The following SNTB2 variants were observed in gnomAD, a reference collection of about 807,000 sequenced individuals.
The protein encoded by SNTB2 is syntrophin beta 2.
In SNTB2, 34 loss-of-function variants were observed where a neutral mutation model predicts 46.2. The observed-to-expected ratio is 0.74, with a 90% CI of 0.56 to 0.98. The LOEUF is 0.98. Among genes scored for constraint, SNTB2 ranks in the 50% least tolerant of loss-of-function variants. The pLI is 0.00. For synonymous variants in SNTB2, 290 were observed against 312.6 expected, an observed-to-expected ratio of 0.93 and a Z score of 0.76; for missense variants, 603 against 731.4, an observed-to-expected ratio of 0.82 and a Z score of 2.02.
intron 1 of SNTB2, among the ~76,000 whole-genome samples, chr16:69,209,423 G>A (rs1208729586): frequency 5.3e-5 from 8 of 152,082 alleles, no homozygotes; most frequent in Admixed American, 2.0e-4. Flanking sequence ...GTTTAATTCT[G>A]TCTAGAAGTG....
At chr16:69,225,401 A>G (rs1189499284) in intron 1 of SNTB2, among the ~76,000 whole-genome samples, 3 of 152,264 alleles carry the variant, frequency 2.0e-5, no homozygotes, top group Non-Finnish European at 2.9e-5. Context: ...AATACGGATA[A>G]CGATTTCCTT....
At chr16:69,275,397 A>G (rs943757590) in intron 4 of SNTB2, among the ~76,000 whole-genome samples, 1 of 152,230 alleles carries the variant, frequency 6.6e-6, no homozygotes, top group African/African-American at 2.4e-5. Context: ...TAATTAATGT[A>G]ACAACAGGGA....
chr16:69,246,608 G>A (rs1361604670), intron 2 of SNTB2, among the ~76,000 whole-genome samples: 32 of 145,482 alleles, frequency 2.2e-4, no homozygotes, highest in Middle Eastern at 3.4e-3. Flanking sequence ...CTCTTTTTCT[G>A]TTGATTGGAA....
chr16:69,223,369 A>G (rs939106786), intron 1 of SNTB2, among the ~76,000 whole-genome samples: 1 of 150,554 alleles, frequency 6.6e-6, no homozygotes, highest in African/African-American at 2.4e-5. Context: ...TAATTTTTGT[A>G]TTTTTAGTGG....
chr16:69,265,837 A>G (rs1168037661), intron 3 of SNTB2, among the ~76,000 whole-genome samples: 1 of 151,750 alleles, frequency 6.6e-6, no homozygotes, highest in Non-Finnish European at 1.5e-5. Flanking sequence ...AAAGAAAAAA[A>G]AAAAAAAAAA....
At position 69,219,707 on chromosome 16, in the gene SNTB2, GATTTTATTTT is replaced by G. The variant is rs796669783; in HGVS notation, c.581-25889_581-25880del. Reference sequence around the variant, plus strand: ...TTGTACGCAATAGTCATAGAAACCAGATTTTATTTTATTTTGTTTTGTTTTGTTTTGTTTT... The same window carrying G: ...TTGTACGCAATAGTCATAGAAACCAGATTTTGTTTTGTTTTGTTTTGTTTT... On this transcript the variant is annotated intron_variant, in intron 1 of 6. Coordinates refer to ENST00000336278, the MANE Select transcript of SNTB2 (RefSeq NM_006750.4). Among the ~76,000 whole-genome samples the G allele has an allele frequency of 3.4e-3, 510 of 147,952 alleles. 1 individual carries two copies. The highest frequency in any genetic ancestry group is 0.013 in the African/African-American group (504 of 40,278).
intron 4 of SNTB2, among the ~76,000 whole-genome samples, chr16:69,279,515 CTTT>C (rs57637291): frequency 2.8e-4 from 20 of 71,730 alleles, no homozygotes; most frequent in East Asian, 6.9e-4. Flanking sequence ...GTCCTTTGCC[CTTT>C]TTTTTTTTTT....
chr16:69,297,033 C>T (rs1488294247), intron 5 of SNTB2, among the ~76,000 whole-genome samples: 1 of 150,820 alleles, frequency 6.6e-6, no homozygotes, highest in Non-Finnish European at 1.5e-5. Flanking sequence ...GGCCAGGTGC[C>T]GTGCCTCACA....
intron 1 of SNTB2, among the ~76,000 whole-genome samples, chr16:69,202,817 C>G (rs1286591211): frequency 6.6e-6 from 1 of 152,020 alleles, no homozygotes; most frequent in Non-Finnish European, 1.5e-5. Flanking sequence ...CTCAAGTGAT[C>G]TGCCCGCCTC....
At chr16:69,264,462 C>G (rs1435585401) in intron 3 of SNTB2, among the ~76,000 whole-genome samples, 1 of 152,120 alleles carries the variant, frequency 6.6e-6, no homozygotes, top group African/African-American at 2.4e-5. Context: ...AAAGAGGTTG[C>G]ATTTATTTTA....
chr16:69,249,654 AAGAATTGT>A (rs1377128116), intron 2 of SNTB2, among the ~76,000 whole-genome samples: 1 of 152,198 alleles, frequency 6.6e-6, no homozygotes, highest in Non-Finnish European at 1.5e-5. Context: ...TTGGGGCTAC[AAGAATTGT>A]ACCATTATAC....
intron 1 of SNTB2, among the ~76,000 whole-genome samples, chr16:69,226,015 G>T (rs1160238775): frequency 6.6e-6 from 1 of 151,798 alleles, no homozygotes; most frequent in Admixed American, 6.6e-5. Flanking sequence ...TGATCTGCCC[G>T]CCTCGGCCTC....
At chr16:69,273,911 C>G (rs1050448318) in intron 4 of SNTB2, among the ~76,000 whole-genome samples, 1 of 152,144 alleles carries the variant, frequency 6.6e-6, no homozygotes, top group African/African-American at 2.4e-5. Context: ...TACTAATAAA[C>G]TGCCTAGAAT....
At chr16:69,195,013 C>G (rs1964089941) in intron 1 of SNTB2, among the ~76,000 whole-genome samples, 1 of 152,136 alleles carries the variant, frequency 6.6e-6, no homozygotes, top group African/African-American at 2.4e-5. Flanking sequence ...TTAAAAAATG[C>G]TTGACATGTC....
chr16:69,187,640 G>A lies in SNTB2; in HGVS notation c.474G>A (p.Arg158=). 1 of 1,550,422 alleles carries A rather than the reference G, an allele frequency of 6.4e-7. No homozygotes were observed. Among genetic ancestry groups the A allele is most frequent in the Non-Finnish European group, 8.7e-7 (1 of 1,153,280 alleles). ...GLAADQSRAL[R]LGDAILSVNG... is the part of the protein sequence containing the mutation. ...CTGCCGACCAGAGCCGGGCGCTGCG[G>A]CTGGGCGACGCCATCCTGTCGGTGA... The change falls in exon 1 of 7, where the codon CGG becomes CGA. Residue 158 remains arginine, a synonymous_variant. Transcript: ENST00000336278.
chr16:69,200,210 T>A (rs147609406), intron 1 of SNTB2, among the ~76,000 whole-genome samples: 1,578 of 152,318 alleles, frequency 0.01, 19 homozygotes, highest in Middle Eastern at 0.041. Context: ...ATATACTTAT[T>A]TGTGTTGGCC....
In SNTB2 at chr16:69,191,557, C is replaced by CAA. The variant is rs1204153764; in HGVS notation, c.580+3831_580+3832dup. Among the ~76,000 whole-genome samples, 310 of 60,240 alleles carry CAA rather than the reference C, an allele frequency of 5.1e-3. 2 individuals carry two copies. The highest frequency in any genetic ancestry group is 8.9e-3 in the Non-Finnish European group (269 of 30,116). The allele number at this position is 60,240 out of a possible 152,430, so 39.5% of individuals were successfully genotyped here. ...TGGACAACAGAGCAAGATCCTGTCT[C>CAA]AAAAAAAAAAAAAAAAAAAAAGCAA... On this transcript the variant is annotated intron_variant, in intron 1 of 6. Coordinates refer to ENST00000336278, the MANE Select transcript of SNTB2 (RefSeq NM_006750.4).
intron 3 of SNTB2, among the ~76,000 whole-genome samples, chr16:69,268,907 C>T (rs1324506977): frequency 2.0e-5 from 3 of 151,918 alleles, no homozygotes; most frequent in South Asian, 2.1e-4. Flanking sequence ...CAGTGGCTCA[C>T]GCCTGTAATC....
chr16:69,270,889 A>C (rs1964930865), intron 4 of SNTB2, among the ~76,000 whole-genome samples: 1 of 152,252 alleles, frequency 6.6e-6, no homozygotes, highest in African/African-American at 2.4e-5. Context: ...GAAACTAGAA[A>C]ACATATCCAA....
Sources: gnomAD v4.1 joint callset for allele counts (sites outside exome capture counted in the v4.1 genomes callset) on GRCh38, gnomAD v4.1.1 for gene constraint, MANE v1.5 for transcripts, NCBI Gene and HGNC (gene_info 2026-07-23, HGNC 2026-07-21) for gene names.